The following CCDC91 variants were observed in gnomAD, a reference collection of about 807,000 sequenced individuals.
CCDC91 encodes the protein coiled-coil domain containing 91, also known as coiled-coil domain-containing protein 91.
Under a neutral mutation model 63.2 loss-of-function variants are expected in CCDC91, and 48 were observed. That is an observed-to-expected ratio of 0.76 (90% CI 0.60 to 0.97). CCDC91 has a LOEUF of 0.97. Ranked by LOEUF, CCDC91 falls within the 50% of genes least tolerant of loss-of-function variation. The pLI, the probability that CCDC91 is intolerant of heterozygous loss-of-function variation, is 0.00. For missense variants in CCDC91, 500 were observed against 494.6 expected, an observed-to-expected ratio of 1.01 and a Z score of -0.10; for synonymous variants, 167 against 165.8, an observed-to-expected ratio of 1.01 and a Z score of -0.06.
intron 1 of CCDC91, chr12:28,191,469 C>G (rs1271779763): frequency 1.3e-5 from 2 of 152,238 alleles, no homozygotes; most frequent in African/African-American, 4.8e-5. Flanking sequence ...CTGACTCTTT[C>G]CTTCCCTCCC....
At position 28,267,924 on chromosome 12, in the gene CCDC91, A is replaced by AATTATATATAATTATATATAATT. The variant is rs1397426104; in HGVS notation, c.109+8507_109+8529dup. Among the ~76,000 whole-genome samples the AATTATATATAATTATATATAATT allele has an allele frequency of 1.1e-3, 93 of 80,926 alleles. 1 individual carries two copies. The Middle Eastern group carries it at 0.015, about 13-fold the overall frequency. 53.1% of individuals were successfully genotyped at this position (80,926 alleles called of 152,430 possible). ...TAATTATATTATATATAATTATTAT[A>AATTATATATAATTATATATAATT]ATTATATATAATTATATATAATTAT... On this transcript the variant is annotated intron_variant, in intron 3 of 12. Transcript: ENST00000536442.
At chr12:28,411,165 A>T (rs1947294364) in intron 8 of CCDC91, among the ~76,000 whole-genome samples, 1 of 152,122 alleles carries the variant, frequency 6.6e-6, no homozygotes, top group Admixed American at 6.5e-5. Flanking sequence ...TACACTGAGG[A>T]TGTCCATTCT....
At chr12:28,245,332 G>T (rs1404893781) in intron 1 of CCDC91, among the ~76,000 whole-genome samples, 1 of 151,912 alleles carries the variant, frequency 6.6e-6, no homozygotes, top group Non-Finnish European at 1.5e-5. Context: ...GAAAAAAAAA[G>T]AATTAGATCT....
Position 28,268,631 on chromosome 12 carries a change from T to A in CCDC91, c.109+9189T>A. 4 of 984,544 alleles carry A rather than the reference T, an allele frequency of 4.1e-6. No individual in the cohort carries two copies. In the South Asian group the frequency reaches 1.9e-4, roughly 46 times the overall value. 61.0% of individuals were successfully genotyped at this position (984,544 alleles called of 1,614,324 possible). On this transcript the variant is annotated intron_variant, in intron 3 of 12. Coordinates refer to ENST00000536442, the MANE Select transcript of CCDC91 (RefSeq NM_018318.5). ...CGTTAGAATGAGGGCTCCATTATTT[T>A]GGCCACAGAGCTATATCCAGGACTG...
intron 12 of CCDC91, among the ~76,000 whole-genome samples, chr12:28,491,998 CTA>C (rs1176689145): frequency 6.6e-6 from 1 of 150,798 alleles, no homozygotes; most frequent in Non-Finnish European, 1.5e-5. Context: ...TGAAGGACCT[CTA>C]TTTGTGAGCC....
chr12:28,309,974 G>A (rs1939149562), intron 6 of CCDC91, among the ~76,000 whole-genome samples: 1 of 151,928 alleles, frequency 6.6e-6, no homozygotes, highest in Admixed American at 6.6e-5. Flanking sequence ...CCACTACAGT[G>A]TAAATTCCTT....
intron 1 of CCDC91, among the ~76,000 whole-genome samples, chr12:28,221,341 T>C (rs1943933058): frequency 1.3e-5 from 2 of 152,168 alleles, no homozygotes; most frequent in Admixed American, 1.3e-4. Flanking sequence ...TTATGTCCGC[T>C]GATTCTCTCC....
intron 2 of CCDC91, among the ~76,000 whole-genome samples, chr12:28,257,757 C>T (rs1418434417): frequency 1.3e-5 from 2 of 151,982 alleles, no homozygotes; most frequent in African/African-American, 4.8e-5. Context: ...AAATTGTTAG[C>T]TGAAGGAGCA....
chr12:28,513,920 CAT>C (rs1343097839), intron 12 of CCDC91, among the ~76,000 whole-genome samples: 1 of 151,844 alleles, frequency 6.6e-6, no homozygotes, highest in Non-Finnish European at 1.5e-5. Flanking sequence ...CAGCAGTGGA[CAT>C]ATGCATGCAT....
At chr12:28,192,754 T>C (rs765789379) in intron 1 of CCDC91, among the ~76,000 whole-genome samples, 8 of 152,228 alleles carry the variant, frequency 5.3e-5, no homozygotes, top group Non-Finnish European at 8.8e-5. Flanking sequence ...TATGTTGCTT[T>C]TTTTAAAAAA....
At chr12:28,546,070 A>G (rs1053627956) in intron 12 of CCDC91, among the ~76,000 whole-genome samples, 2 of 152,152 alleles carry the variant, frequency 1.3e-5, no homozygotes, top group African/African-American at 4.8e-5. Flanking sequence ...GAAGCATAAT[A>G]GTAAAACAAA....
chr12:28,498,510 C>T lies in CCDC91; in HGVS notation c.1215+14345C>T, dbSNP rs566744243. Reference sequence around the variant, plus strand: ...AAGCAGGGACGTACATTCCATATACCATGAAGCCAAAGCATGTCACACAGT... The same window carrying T: ...AAGCAGGGACGTACATTCCATATACTATGAAGCCAAAGCATGTCACACAGT... On this transcript the variant is annotated intron_variant, in intron 12 of 12. Coordinates refer to ENST00000536442, the MANE Select transcript of CCDC91 (RefSeq NM_018318.5). Among the ~76,000 whole-genome samples, 3 of 151,664 alleles carry T rather than the reference C, an allele frequency of 2.0e-5. No individual in the cohort carries two copies. The South Asian group carries it at 6.2e-4, about 31-fold the overall frequency.
chr12:28,445,148 C>G (rs1481569216), intron 8 of CCDC91, among the ~76,000 whole-genome samples: 1 of 152,152 alleles, frequency 6.6e-6, no homozygotes, highest in Non-Finnish European at 1.5e-5. Flanking sequence ...GTTTTAGGAA[C>G]TAATATCAAA....
intron 7 of CCDC91, among the ~76,000 whole-genome samples, chr12:28,384,496 C>A (rs1177558234): frequency 6.6e-6 from 1 of 152,080 alleles, no homozygotes; most frequent in Non-Finnish European, 1.5e-5. Context: ...TTCATTCTTA[C>A]ACGTTGTCCA....
chr12:28,379,429 T>C (rs1592489643), intron 7 of CCDC91, among the ~76,000 whole-genome samples: 1 of 108,952 alleles, frequency 9.2e-6, no homozygotes, highest in Admixed American at 1.1e-4. Flanking sequence ...ATCCAGAATC[T>C]ACAAAGAACT....
chr12:28,534,458 T>C (rs191388886), intron 12 of CCDC91, among the ~76,000 whole-genome samples: 1 of 152,278 alleles, frequency 6.6e-6, no homozygotes, highest in Non-Finnish European at 1.5e-5. Flanking sequence ...GGCAAGGAAA[T>C]GCCAGTCAAG....
At chr12:28,516,269 A>G (rs12302861) in intron 12 of CCDC91, among the ~76,000 whole-genome samples, 58,264 of 151,754 alleles carry the variant, frequency 0.38, 11,581 homozygotes, top group Middle Eastern at 0.48. Flanking sequence ...TTGTGCTGCT[A>G]TATCAGAATA....
At chr12:28,495,453 A>C (rs1952228784) in intron 12 of CCDC91, among the ~76,000 whole-genome samples, 1 of 151,620 alleles carries the variant, frequency 6.6e-6, no homozygotes, top group Non-Finnish European at 1.5e-5. Flanking sequence ...ATTACAACTC[A>C]ACCATGCTAG....
chr12:28,529,007 A>G (rs747876708), intron 12 of CCDC91, among the ~76,000 whole-genome samples: 2 of 152,016 alleles, frequency 1.3e-5, no homozygotes, highest in African/African-American at 2.4e-5. Flanking sequence ...ATCTGTTTCT[A>G]TGTATATGTA....
Sources: allele counts gnomAD v4.1 joint callset (sites outside exome capture counted in the v4.1 genomes callset), GRCh38; gene constraint gnomAD v4.1.1; transcripts MANE v1.5; gene names NCBI Gene and HGNC (gene_info 2026-07-23, HGNC 2026-07-21).